The following MORF4L1 variants were observed in gnomAD, a reference collection of about 807,000 sequenced individuals.
MORF4L1 encodes mortality factor 4 like 1.
Under a neutral mutation model 52.9 loss-of-function variants are expected in MORF4L1, and 4 were observed. The observed-to-expected ratio is 0.08, with a 90% CI of 0.04 to 0.17. The LOEUF (loss-of-function observed/expected upper bound fraction) is 0.17. Ranked by LOEUF, MORF4L1 falls within the 10% of genes least tolerant of loss-of-function variation. MORF4L1 has a pLI of 1.00. For synonymous variants in MORF4L1, 123 were observed against 134.8 expected, an observed-to-expected ratio of 0.91 and a Z score of 0.61; for missense variants, 214 against 390.4, an observed-to-expected ratio of 0.55 and a Z score of 3.81.
At chr15:78,886,567 A>G (rs1028669536) in intron 4 of MORF4L1, among the ~76,000 whole-genome samples, 2 of 152,166 alleles carry the variant, frequency 1.3e-5, no homozygotes, top group African/African-American at 4.8e-5. Flanking sequence ...GGCATTTCCT[A>G]TTCTGCTTTT....
Position 78,894,895 on chromosome 15 carries a change from A to G in MORF4L1, c.878A>G (p.Asp293Gly). 2 of 1,611,880 alleles carry G rather than the reference A, an allele frequency of 1.2e-6. No homozygotes were observed. The highest frequency in any genetic ancestry group is 1.7e-6 in the Non-Finnish European group (2 of 1,177,982). ...GCTTTATTACTCAATTATCTTCACG[A>G]TTTCCTAAAGTAAGTCTGTGCTTGA... ...SLALLLNYLH[D>G]FLKYLAKNSA... The change falls in exon 11 of 12, where the codon GAT becomes GGT. Residue 293 changes from aspartate (D) to glycine (G), a missense_variant. Physicochemically the swap from Asp to Gly is moderately conservative, Grantham distance 94. This residue lies in a region of MORF4L1 where 68 missense variants were observed against 171.6 expected (regional missense o/e 0.40). Transcript: ENST00000426013.
At position 78,883,194 on chromosome 15, in the gene MORF4L1, G is replaced by C. The variant is rs576603315; in HGVS notation, c.155+2615G>C. Among the ~76,000 whole-genome samples the C allele has an allele frequency of 3.7e-3, 501 of 135,250 alleles. 1 individual carries two copies. Among genetic ancestry groups the C allele is most frequent in the African/African-American group, 0.011 (406 of 35,972 alleles). 88.7% of individuals were successfully genotyped at this position (135,250 alleles called of 152,430 possible). On this transcript the variant is annotated intron_variant, in intron 3 of 11. Coordinates refer to ENST00000426013, the MANE Select transcript of MORF4L1 (RefSeq NM_006791.4). ...TGCACCACTGTATTCTAGCCTAGGC[G>C]ACAGAGTGAGACTCAGGAAAAAAAA...
In MORF4L1 at chr15:78,886,162, G is replaced by A. The variant is rs57805539; in HGVS notation, c.177G>A (p.Glu59=). The change falls in exon 4 of 12, where the codon GAG becomes GAA. Residue 59 remains glutamate (E), a synonymous_variant. Transcript: ENST00000426013. ...TCAGTTGGGATGAATGGGTTCCGGA[G>A]AGCAGAGTACTCAAATACGTGGACA... ...WNKNWDEWVP[E]SRVLKYVDTN... 2 of 1,613,898 alleles carry A rather than the reference G, an allele frequency of 1.2e-6. No homozygotes were observed. The highest frequency in any genetic ancestry group is 4.5e-5 in the East Asian group (2 of 44,872).
intron 5 of MORF4L1, among the ~76,000 whole-genome samples, chr15:78,888,923 TATTTC>T (rs2141477444): frequency 6.6e-6 from 1 of 152,340 alleles, no homozygotes; most frequent in East Asian, 1.9e-4. Flanking sequence ...TGTAGTGTAG[TATTTC>T]ATTAGGATTT....
chr15:78,886,783 G>A (rs528395165), intron 4 of MORF4L1, among the ~76,000 whole-genome samples: 2 of 152,160 alleles, frequency 1.3e-5, no homozygotes, highest in South Asian at 4.1e-4. Flanking sequence ...GTGAAACCCC[G>A]TCTCTACTAA....
chr15:78,893,990 G>T, intron 9 of MORF4L1, 68 bp from the exon 10 acceptor site: 1 of 1,396,934 alleles, frequency 7.2e-7, no homozygotes, highest in Non-Finnish European at 9.8e-7. Flanking sequence ...TCTTTAAATT[G>T]GTTGAATTAT....
intron 9 of MORF4L1, 139 bp downstream of exon 9, chr15:78,893,766 G>C (rs2141484937): frequency 6.1e-6 from 4 of 657,356 alleles, no homozygotes; most frequent in East Asian, 5.7e-5. Flanking sequence ...CTTTGACACA[G>C]GAGTTGGCTG....
At chr15:78,878,095 C>G in intron 1 of MORF4L1, 118 bp from the exon 2 acceptor site, 1 of 961,176 alleles carries the variant, frequency 1.0e-6, no homozygotes, top group Non-Finnish European at 1.5e-6. Flanking sequence ...GTATACCCGT[C>G]CTCATTTTTC....
At position 78,872,978 on chromosome 15, in the gene MORF4L1, G is replaced by T. The variant is rs1372674475; in HGVS notation, c.-40G>T. ...GGTAGAGAGTAGGGGGCGGTAGTCG[G>T]GGGTGGTGGGAGAAGGAGGAGGCGG... On this transcript the variant is annotated 5_prime_UTR_variant, in exon 1 of 12. Coordinates refer to ENST00000426013, the MANE Select transcript of MORF4L1 (RefSeq NM_006791.4). 6.5e-7 allele frequency: 1 copy of T among 1,548,346 alleles called. No homozygotes were observed. Among genetic ancestry groups the T allele is most frequent in the East Asian group, 2.4e-5 (1 of 40,872 alleles).
At chr15:78,893,668 TAAA>T (rs778960432) in intron 9 of MORF4L1, 41 bp downstream of exon 9, 1 of 1,360,494 alleles carries the variant, frequency 7.4e-7, no homozygotes, top group South Asian at 1.3e-5. Context: ...AAAAGACATT[TAAA>T]AAAGTTTCTA....
intron 1 of MORF4L1, chr15:78,873,315 GTGTT>G (rs1567293784): frequency 2.6e-6 from 3 of 1,174,440 alleles, no homozygotes; most frequent in South Asian, 1.7e-5. Context: ...CCCTCGTCAA[GTGTT>G]TGTTATTGTT....
At position 78,895,955 on chromosome 15, in the gene MORF4L1, G is replaced by T. The variant is rs570109685; in HGVS notation, c.888-1028G>T. 2.1e-4 allele frequency among the ~76,000 whole-genome samples: 32 copies of T among 151,876 alleles called. 1 individual carries two copies. In the South Asian group the frequency reaches 6.4e-3, roughly 31 times the overall value. ...TGTGCTCTACTACTTGACATTTCAC[G>T]TTCCCTTTTATGTAATTAAAAAAAA... On this transcript the variant is annotated intron_variant, in intron 11 of 11. Transcript: ENST00000426013.
chr15:78,895,315 C>A (rs1351101044), intron 11 of MORF4L1, among the ~76,000 whole-genome samples: 1 of 151,782 alleles, frequency 6.6e-6, no homozygotes, highest in Non-Finnish European at 1.5e-5. Context: ...ACACAGAGTT[C>A]TTCGGTAAGA....
chr15:78,894,814 A>T lies in MORF4L1; in HGVS notation c.803-6A>T. On this transcript the variant is annotated splice_polypyrimidine_tract_variant and splice_region_variant and intron_variant, in intron 10 of 11. Coordinates refer to ENST00000426013, the MANE Select transcript of MORF4L1 (RefSeq NM_006791.4). Reference sequence around the variant, plus strand: ...TAACTTTGGATAAATTCTCTTGTTTAAACAGTACGAATTGGAGCAATGTTG... The same window carrying T: ...TAACTTTGGATAAATTCTCTTGTTTTAACAGTACGAATTGGAGCAATGTTG... 6.2e-7 allele frequency: 1 copy of T among 1,609,078 alleles called. No homozygotes were observed. Among genetic ancestry groups the T allele is most frequent in the Non-Finnish European group, 8.5e-7 (1 of 1,175,438 alleles).
At chr15:78,873,154 T>C in intron 1 of MORF4L1, 97 bp downstream of exon 1, 3 of 1,538,946 alleles carry the variant, frequency 1.9e-6, no homozygotes, top group Non-Finnish European at 2.6e-6. Context: ...CGGCGCGGGC[T>C]GCGCCCTGAG....
At chr15:78,879,702 C>T (rs2056565371) in intron 2 of MORF4L1, among the ~76,000 whole-genome samples, 1 of 151,276 alleles carries the variant, frequency 6.6e-6, no homozygotes, top group Non-Finnish European at 1.5e-5. Flanking sequence ...CTTTGGGGAG[C>T]CAAAGCAGGA....
At chr15:78,881,281 C>A (rs543491090) in intron 3 of MORF4L1, among the ~76,000 whole-genome samples, 2 of 144,032 alleles carry the variant, frequency 1.4e-5, no homozygotes, top group African/African-American at 5.2e-5. Flanking sequence ...CTGCAACCTC[C>A]GCCTCAGGGG....
intron 3 of MORF4L1, 92 bp downstream of exon 3, chr15:78,880,671 G>A: frequency 3.4e-6 from 3 of 892,720 alleles, no homozygotes; most frequent in Non-Finnish European, 5.2e-6. Context: ...CAATTCTGCA[G>A]TTTTAATGTA....
chr15:78,876,468 C>T (rs1171620188), intron 1 of MORF4L1: 1 of 454,010 alleles, frequency 2.2e-6, no homozygotes, highest in Non-Finnish European at 4.4e-6. Flanking sequence ...TCATACTCCT[C>T]AGCTAGCTGT....
Sources: allele counts gnomAD v4.1 joint callset (sites outside exome capture counted in the v4.1 genomes callset), GRCh38; gene constraint gnomAD v4.1.1; regional missense constraint gnomAD v4.1.1; transcripts MANE v1.5; gene names NCBI Gene and HGNC (gene_info 2026-07-23, HGNC 2026-07-21).